Variants in ACAT2 observed in about 807,000 individuals in gnomAD.
ACAT2 encodes acetyl-CoA acetyltransferase, cytosolic.
In ACAT2, 26 loss-of-function variants were observed where a neutral mutation model predicts 37.1. The ratio of observed to expected loss-of-function variants is 0.70; its 90% CI spans 0.51 to 0.97. The LOEUF is 0.97. Among genes scored for constraint, ACAT2 ranks in the 50% least tolerant of loss-of-function variants. The pLI, the probability that ACAT2 is intolerant of heterozygous loss-of-function variation, is 0.00. For synonymous variants in ACAT2, 156 were observed against 163.6 expected, an observed-to-expected ratio of 0.95 and a Z score of 0.35; for missense variants, 468 against 489.0, an observed-to-expected ratio of 0.96 and a Z score of 0.40.
At position 159,762,178 on chromosome 6, in the gene ACAT2, C is replaced by A. The variant is rs771012131; in HGVS notation, c.55+36C>A. 232 of 1,595,442 alleles carry A rather than the reference C, an allele frequency of 1.5e-4. 1 individual carries two copies. Among genetic ancestry groups the A allele is most frequent in the Non-Finnish European group, 1.9e-4 (220 of 1,170,224 alleles). On this transcript the variant is annotated intron_variant, in intron 1 of 8. Transcript: ENST00000367048. The stretch of plus-strand genomic sequence containing the variant: ...GGCGGGAGCCGCGCAGAGTCCGAGG[C>A]GCCTGCTGCTTCGGCAGGAGCGCCG...
chr6:159,768,719 GC>G, intron 4 of ACAT2, 91 bp downstream of exon 4: 2 of 774,442 alleles, frequency 2.6e-6, no homozygotes, highest in Non-Finnish European at 4.3e-6. Context: ...CGTCCTTATG[GC>G]CAGAGACTGT....
At chr6:159,777,242 C>T in intron 6 of ACAT2, 60 bp from the exon 7 acceptor site, 6 of 1,551,882 alleles carry the variant, frequency 3.9e-6, no homozygotes, top group Non-Finnish European at 5.2e-6. Context: ...GTAAAGAAGC[C>T]ACAGATATGT....
At chr6:159,762,281 T>C in intron 1 of ACAT2, 139 bp downstream of exon 1, 1 of 1,271,852 alleles carries the variant, frequency 7.9e-7, no homozygotes, top group Non-Finnish European at 1.1e-6. Flanking sequence ...GCGGGATCCC[T>C]GGAACCCTGC....
At chr6:159,762,479 G>A in intron 1 of ACAT2, 1 of 1,318,720 alleles carries the variant, frequency 7.6e-7, no homozygotes, top group East Asian at 3.5e-5. Flanking sequence ...AGGCGCCATC[G>A]GTAATGCCTG....
rs777942713 is a variant in ACAT2, at chr6:159,779,064, G to A, written c.*235G>A. On this transcript the variant is annotated 3_prime_UTR_variant, in exon 9 of 9. Coordinates refer to ENST00000367048, the MANE Select transcript of ACAT2 (RefSeq NM_005891.3). Reference sequence around the variant, plus strand: ...ATCAGATCAATCATTAAGGGCTCCAGAGTGAACAGCATCTTCATAACTTCC... The same window carrying A: ...ATCAGATCAATCATTAAGGGCTCCAAAGTGAACAGCATCTTCATAACTTCC... 3.1e-6 allele frequency: 5 copies of A among 1,613,924 alleles called. No homozygotes were observed. Among genetic ancestry groups the A allele is most frequent in the Non-Finnish European group, 4.2e-6 (5 of 1,179,844 alleles).
chr6:159,763,175 C>G (rs1221697964), intron 2 of ACAT2, 122 bp downstream of exon 2: 12 of 1,377,342 alleles, frequency 8.7e-6, no homozygotes, highest in Non-Finnish European at 1.2e-5. Flanking sequence ...TGCCTCCTTG[C>G]TTTTGCTCAG....
At chr6:159,775,495 G>A in intron 5 of ACAT2, 182 bp downstream of exon 5, 1 of 657,050 alleles carries the variant, frequency 1.5e-6, no homozygotes, top group Non-Finnish European at 2.5e-6. Flanking sequence ...ACGGTAACAT[G>A]GGACCTATGT....
chr6:159,762,818 G>A (rs1205748339), intron 1 of ACAT2, 101 bp from the exon 2 acceptor site: 1 of 1,594,488 alleles, frequency 6.3e-7, no homozygotes, highest in African/African-American at 1.3e-5. Context: ...GCCTCCTCGC[G>A]TGGCCTTGCC....
intron 2 of ACAT2, 73 bp downstream of exon 2, chr6:159,763,126 TC>T (rs1780183413): frequency 5.8e-6 from 8 of 1,375,106 alleles, no homozygotes; most frequent in Middle Eastern, 4.1e-4. Flanking sequence ...ACACACACAC[TC>T]TCACACACTC....
chr6:159,768,429 A>G (rs1466518956), intron 3 of ACAT2, 82 bp from the exon 4 acceptor site: 1 of 1,038,710 alleles, frequency 9.6e-7, no homozygotes, highest in Non-Finnish European at 1.5e-6. Context: ...GACTTAGGAA[A>G]TACTAGATAG....
intron 6 of ACAT2, among the ~76,000 whole-genome samples, chr6:159,776,855 C>T (rs1030671572): frequency 2.0e-5 from 3 of 152,086 alleles, no homozygotes; most frequent in African/African-American, 7.2e-5. Flanking sequence ...GTGGTGCAAT[C>T]TTGGCTCACT....
intron 4 of ACAT2, among the ~76,000 whole-genome samples, chr6:159,770,481 C>G (rs941557595): frequency 2.0e-5 from 3 of 152,086 alleles, no homozygotes; most frequent in African/African-American, 7.2e-5. Flanking sequence ...AATAGAAATT[C>G]TAGAACTTGC....
intron 8 of ACAT2, 169 bp downstream of exon 8, chr6:159,778,449 A>C (rs1026188380): frequency 3.4e-5 from 22 of 638,782 alleles, no homozygotes; most frequent in Admixed American, 1.4e-4. Context: ...AAAAAAAAAA[A>C]GACATTGGCT....
intron 2 of ACAT2, among the ~76,000 whole-genome samples, chr6:159,764,617 T>A (rs571081650): frequency 6.6e-5 from 10 of 152,142 alleles, no homozygotes; most frequent in African/African-American, 2.2e-4. Flanking sequence ...GCTAATTTTT[T>A]AAATTTTTTT....
At chr6:159,764,698 C>T (rs1234631300) in intron 2 of ACAT2, among the ~76,000 whole-genome samples, 1 of 152,146 alleles carries the variant, frequency 6.6e-6, no homozygotes. Flanking sequence ...CATGGTGCAC[C>T]ATGCCCTTGA....
At chr6:159,776,674 TCA>T (rs2114985031) in intron 6 of ACAT2, among the ~76,000 whole-genome samples, 1 of 152,366 alleles carries the variant, frequency 6.6e-6, no homozygotes, top group Admixed American at 6.5e-5. Context: ...TTAGGGAACT[TCA>T]GTTTATCTAC....
intron 1 of ACAT2, 22 bp from the exon 2 acceptor site, chr6:159,762,897 G>A (rs981871602): frequency 6.2e-7 from 1 of 1,606,052 alleles, no homozygotes; most frequent in Admixed American, 1.7e-5. Context: ...TGATGTCCAC[G>A]CTCTCCGCCT....
intron 8 of ACAT2, 181 bp from the exon 9 acceptor site, chr6:159,778,478 C>T (rs1460508426): frequency 2.9e-6 from 2 of 679,542 alleles, no homozygotes; most frequent in Non-Finnish European, 4.4e-6. Context: ...ATAAAAGGAA[C>T]GAGGTAAGAT....
At chr6:159,762,591 A>G (rs1481128508) in intron 1 of ACAT2, 3 of 1,373,894 alleles carry the variant, frequency 2.2e-6, no homozygotes, top group East Asian at 3.8e-5. Context: ...TTCGTGCCGC[A>G]TGGTTTTCAA....
Sources: allele counts gnomAD v4.1 joint callset (sites outside exome capture counted in the v4.1 genomes callset), GRCh38; gene constraint gnomAD v4.1.1; transcripts MANE v1.5; gene names NCBI Gene and HGNC (gene_info 2026-07-23, HGNC 2026-07-21).